Variants in CBR4 observed in about 807,000 individuals in gnomAD.
The protein encoded by CBR4 is 3-oxoacyl-[acyl-carrier-protein] reductase.
In CBR4, 22 loss-of-function variants were observed where a neutral mutation model predicts 21.0. That is an observed-to-expected ratio of 1.05 (90% CI 0.75 to 1.50). The LOEUF is 1.50. CBR4 is among the 40% of genes most tolerant of loss of function. The probability of loss-of-function intolerance (pLI) is 0.00; values close to 1 mark genes in which losing one functional copy is unlikely to be tolerated. For missense variants in CBR4, 302 were observed against 286.3 expected, an observed-to-expected ratio of 1.05 and a Z score of -0.40; for synonymous variants, 100 against 104.4, an observed-to-expected ratio of 0.96 and a Z score of 0.26.
intron 2 of CBR4, among the ~76,000 whole-genome samples, chr4:168,942,172 G>C (rs1367869418): frequency 6.6e-6 from 1 of 151,658 alleles, no homozygotes; most frequent in African/African-American, 2.4e-5. Flanking sequence ...TCACAAATGG[G>C]AGTCGAACAA....
intron 3 of CBR4, among the ~76,000 whole-genome samples, chr4:169,004,598 T>A (rs1730742628): frequency 6.6e-6 from 1 of 152,218 alleles, no homozygotes. Context: ...TATCCATACA[T>A]AAGAAGCAAC....
intron 2 of CBR4, among the ~76,000 whole-genome samples, chr4:168,906,583 A>C (rs1757846251): frequency 6.6e-6 from 1 of 152,162 alleles, no homozygotes; most frequent in East Asian, 1.9e-4. Flanking sequence ...GTACCCCACA[A>C]ATATATACAA....
At chr4:168,951,773 T>C (rs1000290813) in intron 2 of CBR4, among the ~76,000 whole-genome samples, 6 of 152,238 alleles carry the variant, frequency 3.9e-5, no homozygotes, top group Non-Finnish European at 8.8e-5. Context: ...GGGTTTCTGC[T>C]GAGAAATCTG....
intron 2 of CBR4, chr4:168,925,142 G>A: frequency 3.8e-6 from 6 of 1,596,008 alleles, no homozygotes; most frequent in Non-Finnish European, 5.2e-6. Context: ...TTAGACATCT[G>A]GACAGCAAAT....
intron 2 of CBR4, among the ~76,000 whole-genome samples, chr4:168,902,307 CAAAT>C (rs139061206): frequency 0.094 from 14,217 of 151,996 alleles, 746 homozygotes; most frequent in Middle Eastern, 0.14. Context: ...AAAATGACAA[CAAAT>C]AACTTGCTGT....
rs904788785 is a variant in CBR4 at position 169,010,238 on chromosome 4, C to T, written c.-149G>A. ...AAAAAATAACGCCGCTCGACACCTC[C>T]TGCAGCCGCACAATAGTAATGCAAG... On this transcript the variant is annotated 5_prime_UTR_variant, in exon 1 of 5. Transcript: ENST00000306193. 69 of 699,520 alleles carry T rather than the reference C, an allele frequency of 9.9e-5. 3 individuals are homozygous for T. The highest frequency in any genetic ancestry group is 7.8e-4 in the South Asian group (38 of 48,504). The allele number at this position is 699,520 out of a possible 1,614,324, so 43.3% of individuals were successfully genotyped here. A position where few individuals can be genotyped will look rare whatever the true frequency, so the allele number is the denominator to read the frequency against.
At chr4:168,902,267 A>G (rs184112332) in intron 2 of CBR4, among the ~76,000 whole-genome samples, 1 of 152,286 alleles carries the variant, frequency 6.6e-6, no homozygotes, top group East Asian at 1.9e-4. Flanking sequence ...TTTGTTAGGA[A>G]TCAGGAATAC....
chr4:169,007,639 T>C lies in CBR4; in HGVS notation c.260A>G (p.Asn87Ser). The C allele has an allele frequency of 6.4e-7, 1 of 1,567,026 alleles. No individual in the cohort carries two copies. The highest frequency in any genetic ancestry group is 8.6e-7 in the Non-Finnish European group (1 of 1,159,814). Reference sequence around the variant, plus strand: ...CTTATTTAAATCTGTGACCAACCTGTTAATACCAGCTGCATTTACCAAGAA... The same window carrying C: ...CTTATTTAAATCTGTGACCAACCTGCTAATACCAGCTGCATTTACCAAGAA... Reference protein sequence around the residue: ...VNFLVNAAGINRDGLLVRTKT... With the variant: ...VNFLVNAAGISRDGLLVRTKT... The change falls in exon 2 of 5, where the codon AAC becomes AGC. Residue 87 changes from asparagine (N) to serine (S), a missense_variant. Physicochemically the swap from Asn to Ser is conservative, Grantham distance 46. Coordinates refer to ENST00000306193, the MANE Select transcript of CBR4 (RefSeq NM_032783.5).
At position 168,926,376 on chromosome 4, in the gene CBR4, G is replaced by A. The variant is rs896702235; in HGVS notation, n.170-31611C>T. On this transcript the variant is annotated intron_variant and non_coding_transcript_variant, in intron 2 of 3. Coordinates refer to the CBR4 transcript ENST00000509108. The stretch of plus-strand genomic sequence containing the variant: ...TGAATACTGCCTTGGTAGAAAGTGA[G>A]GACCTGTAATCCAGCATTCTTGTTA... 4.6e-6 allele frequency: 7 copies of A among 1,536,544 alleles called. No individual in the cohort carries two copies. The highest frequency in any genetic ancestry group is 2.7e-5 in the African/African-American group (2 of 72,994).
chr4:168,922,100 TATACAC>T (rs1355387029), intron 2 of CBR4, among the ~76,000 whole-genome samples: 4,807 of 96,198 alleles, frequency 0.05, 103 homozygotes, highest in Middle Eastern at 0.12. Flanking sequence ...TATATATATA[TATACAC>T]ACACACACAC....
chr4:169,000,797 TA>T lies in CBR4; in HGVS notation c.535+1273del, dbSNP rs1247351510. Reference sequence around the variant, plus strand: ...TTTTTGAGTTTTAGCACCTTTTTATTACCCTCTTCATTAATCCAGGCAATTT... The same window carrying T: ...TTTTTGAGTTTTAGCACCTTTTTATTCCCTCTTCATTAATCCAGGCAATTT... On this transcript the variant is annotated intron_variant, in intron 4 of 4. Coordinates refer to ENST00000306193, the MANE Select transcript of CBR4 (RefSeq NM_032783.5). 3.9e-5 allele frequency among the ~76,000 whole-genome samples: 6 copies of T among 152,282 alleles called. No homozygotes were observed. In the East Asian group the frequency reaches 9.6e-4, roughly 24 times the overall value.
chr4:168,929,287 C>T (rs532246288), intron 2 of CBR4, among the ~76,000 whole-genome samples: 2 of 152,172 alleles, frequency 1.3e-5, no homozygotes, highest in Non-Finnish European at 2.9e-5. Flanking sequence ...GGCTTTCCTA[C>T]TACGGGAAAG....
chr4:168,913,319 A>G (rs1331384660), intron 2 of CBR4, among the ~76,000 whole-genome samples: 1 of 151,858 alleles, frequency 6.6e-6, no homozygotes. Context: ...GTATTTTTTT[A>G]GTAGAGACGG....
At chr4:168,983,301 A>G (rs4692681), downstream of CBR4, among the ~76,000 whole-genome samples, 104,637 of 151,966 alleles carry the variant, frequency 0.69, 37,591 homozygotes, top group East Asian at 0.96. Context: ...CTATGCACAT[A>G]AACTAGAAAA....
intron 2 of CBR4, among the ~76,000 whole-genome samples, chr4:168,951,853 C>T (rs1763548837): frequency 6.6e-6 from 1 of 152,198 alleles, no homozygotes; most frequent in East Asian, 1.9e-4. Context: ...AAGATTCTTT[C>T]CTTCGTCTTA....
intron 2 of CBR4, among the ~76,000 whole-genome samples, chr4:168,901,543 A>G (rs928602294): frequency 6.6e-6 from 1 of 152,234 alleles, no homozygotes; most frequent in African/African-American, 2.4e-5. Context: ...TACTTATTAC[A>G]GCTTCTTTTT....
chr4:169,003,514 G>A (rs1157789739), intron 3 of CBR4, among the ~76,000 whole-genome samples: 1 of 152,240 alleles, frequency 6.6e-6, no homozygotes, highest in East Asian at 1.9e-4. Flanking sequence ...AAAGGATTTA[G>A]AATATCCTAT....
intron 4 of CBR4, chr4:169,001,161 T>G (rs1730396832): frequency 6.6e-6 from 1 of 151,512 alleles, no homozygotes; most frequent in African/African-American, 2.4e-5. Context: ...ATTTTTTTTT[T>G]TTTTTTTCGG....
At chr4:168,942,286 G>A (rs1160665856) in intron 2 of CBR4, among the ~76,000 whole-genome samples, 2 of 152,006 alleles carry the variant, frequency 1.3e-5, no homozygotes, top group Non-Finnish European at 2.9e-5. Context: ...TAATGCATGA[G>A]GGGCTTAAAA....
Sources: allele counts gnomAD v4.1 joint callset (sites outside exome capture counted in the v4.1 genomes callset), GRCh38; gene constraint gnomAD v4.1.1; transcripts MANE v1.5; gene names NCBI Gene and HGNC (gene_info 2026-07-23, HGNC 2026-07-21).